Variants in ZNF568 observed in about 807,000 individuals in gnomAD.
ZNF568 encodes p53 inhibitor of SCO2 activation.
A neutral mutation model predicts 18.1 loss-of-function variants in ZNF568; 11 were observed. That is an observed-to-expected ratio of 0.61 (90% confidence interval 0.38 to 1.00). The LOEUF (loss-of-function observed/expected upper bound fraction) is 1.00, where lower values mean the gene tolerates loss of function less well. Ranked by LOEUF, ZNF568 falls within the 50% of genes least tolerant of loss-of-function variation. The pLI, the probability that ZNF568 is intolerant of heterozygous loss-of-function variation, is 0.01. For missense variants in ZNF568, 639 were observed against 768.2 expected, an observed-to-expected ratio of 0.83 and a Z score of 1.99; for synonymous variants, 213 against 246.6, an observed-to-expected ratio of 0.86 and a Z score of 1.28.
downstream of ZNF568, among the ~76,000 whole-genome samples, chr19:36,984,436 T>C (rs1391865621): frequency 6.6e-6 from 1 of 152,184 alleles, no homozygotes; most frequent in Non-Finnish European, 1.5e-5. Context: ...AAAAATATTA[T>C]TATATTCTTG....
intron 6 of ZNF568, among the ~76,000 whole-genome samples, chr19:36,941,257 GA>G (rs1364001674): frequency 6.6e-6 from 1 of 152,138 alleles, no homozygotes; most frequent in East Asian, 1.9e-4. Context: ...TAGAACTAAT[GA>G]TGTAGGAATG....
chr19:36,933,898 G>GTTTTTTT (rs200880642), intron 4 of ZNF568, among the ~76,000 whole-genome samples: 6 of 25,764 alleles, frequency 2.3e-4, no homozygotes, highest in African/African-American at 1.4e-3. Context: ...CTTTTGGGTA[G>GTTTTTTT]GTTTTTTTTT....
At chr19:36,965,722 TTA>T (rs369721991) in intron 6 of ZNF568, among the ~76,000 whole-genome samples, 27,270 of 127,568 alleles carry the variant, frequency 0.21, 2,864 homozygotes, top group African/African-American at 0.31. Flanking sequence ...TTTTTTTTTT[TTA>T]AGAGTCTTGC....
At chr19:36,936,986 TA>T in intron 5 of ZNF568, 114 bp downstream of exon 5, 3 of 1,402,270 alleles carry the variant, frequency 2.1e-6, no homozygotes, top group Non-Finnish European at 3.0e-6. Flanking sequence ...CATGTGACTA[TA>T]TGTGCTCCAC....
At position 36,958,623 on chromosome 19, in the gene ZNF568, T is replaced by C. The variant is rs922804740; in HGVS notation, c.359-15797T>C. On this transcript the variant is annotated intron_variant, in intron 6 of 7. Coordinates refer to the ZNF568 transcript ENST00000427117. ...TCTTTTTTCTTTTTCTTTCTTTTTT[T>C]TTTTTTTTTTTTTTTGAGACAGGGT... Among the ~76,000 whole-genome samples the C allele has an allele frequency of 5.8e-5, 8 of 139,114 alleles. No individual in the cohort carries two copies. In the South Asian group the frequency reaches 7.1e-4, roughly 12 times the overall value. The allele number at this position is 139,114 out of a possible 152,430, so 91.3% of individuals were successfully genotyped here.
chr19:36,935,660 G>C (rs1206237331), intron 4 of ZNF568, among the ~76,000 whole-genome samples: 1 of 151,418 alleles, frequency 6.6e-6, no homozygotes, highest in East Asian at 1.9e-4. Context: ...GGTATTTTAA[G>C]ACTGTTAGAT....
At chr19:36,942,244 A>C (rs2073891901) in intron 6 of ZNF568, among the ~76,000 whole-genome samples, 1 of 151,790 alleles carries the variant, frequency 6.6e-6, no homozygotes, top group Non-Finnish European at 1.5e-5. Flanking sequence ...CTGGGATTAC[A>C]GGCGTGCACC....
Position 36,951,182 on chromosome 19 carries a change from T to A in ZNF568, c.*94T>A. On this transcript the variant is annotated 3_prime_UTR_variant, in exon 7 of 7. Transcript: ENST00000333987. The stretch of plus-strand genomic sequence containing the variant: ...CAGGATCTTTATGGAAAAATTTTAA[T>A]ACTTTGTTAAAAGGTGTAAGACTGG... 1 of 1,256,488 alleles carries A rather than the reference T, an allele frequency of 8.0e-7. No individual in the cohort carries two copies. Among genetic ancestry groups the A allele is most frequent in the Non-Finnish European group, 1.1e-6 (1 of 938,274 alleles). 77.8% of individuals were successfully genotyped at this position (1,256,488 alleles called of 1,614,324 possible).
chr19:36,941,558 C>T lies in ZNF568; in HGVS notation c.358+4316C>T, dbSNP rs115756864. 3.9e-3 allele frequency among the ~76,000 whole-genome samples: 600 copies of T among 152,136 alleles called. 5 individuals are homozygous for T. Among genetic ancestry groups the T allele is most frequent in the African/African-American group, 0.014 (570 of 41,516 alleles). On this transcript the variant is annotated intron_variant, in intron 6 of 6. Coordinates refer to ENST00000333987, the MANE Select transcript of ZNF568 (RefSeq NM_198539.4). ...TCCATATTTATTACCAATTTTGGAT[C>T]GTATTTAGTTTGGACAGACTAATCT... is the stretch of plus-strand genomic sequence containing the variant.
intron 7 of ZNF568, among the ~76,000 whole-genome samples, chr19:36,977,079 T>TA (rs1315521618): frequency 6.6e-6 from 1 of 152,264 alleles, no homozygotes; most frequent in Non-Finnish European, 1.5e-5. Flanking sequence ...TTTTCACAGT[T>TA]AATCTATTTT....
At chr19:36,939,865 C>T (rs1402757001) in intron 6 of ZNF568, among the ~76,000 whole-genome samples, 1 of 152,110 alleles carries the variant, frequency 6.6e-6, no homozygotes, top group Admixed American at 6.6e-5. Flanking sequence ...TTTTCTGTTT[C>T]TTCTTCATGT....
chr19:36,965,717 TTTTTTTA>T (rs2074189288), intron 6 of ZNF568, among the ~76,000 whole-genome samples: 1 of 100,424 alleles, frequency 1.0e-5, no homozygotes, highest in African/African-American at 4.8e-5. Flanking sequence ...TTTTTTTTTT[TTTTTTTA>T]AGAGTCTTGC....
intron 6 of ZNF568, among the ~76,000 whole-genome samples, chr19:36,966,882 A>T (rs2074199020): frequency 1.3e-5 from 2 of 152,202 alleles, no homozygotes; most frequent in South Asian, 4.1e-4. Flanking sequence ...GGCCCTTCTC[A>T]TGAGAGACCG....
At chr19:36,947,783 G>T (rs1047567644) in intron 6 of ZNF568, among the ~76,000 whole-genome samples, 1 of 152,120 alleles carries the variant, frequency 6.6e-6, no homozygotes, top group African/African-American at 2.4e-5. Context: ...ACTGCATCTG[G>T]TTTTTTAAAT....
rs182125756 is a variant in ZNF568 at position 36,971,324 on chromosome 19, G to A, written c.359-3096G>A. Among the ~76,000 whole-genome samples, 59 of 150,150 alleles carry A rather than the reference G, an allele frequency of 3.9e-4. No homozygotes were observed. The East Asian group carries it at 0.011, about 27-fold the overall frequency. On this transcript the variant is annotated intron_variant, in intron 6 of 7. Coordinates refer to the ZNF568 transcript ENST00000427117. ...TTTTGCTCTTGTATATCAGTCTTGT[G>A]TTTCATTTATCTTTTAGTACTAAAC...
Position 36,950,828 on chromosome 19 carries a change from A to C in ZNF568, c.1675A>C (p.Lys559Gln), listed in dbSNP as rs770839817. The C allele has an allele frequency of 6.2e-7, 1 of 1,613,692 alleles. No individual in the cohort carries two copies. Among genetic ancestry groups the C allele is most frequent in the Non-Finnish European group, 8.5e-7 (1 of 1,179,914 alleles). ...AATTCATACTGGAGAGAAACCATTC[A>C]AATGTAATGAATGTGGTAAAGCCTT... ...EKIHTGEKPF[K>Q]CNECGKAFSR... Residue 559 changes from lysine (K) to glutamine (Q), a missense_variant, in exon 7 of 7, where the codon AAA (lysine) becomes CAA (glutamine). Physicochemically the swap from Lys to Gln is moderately conservative, Grantham distance 53. Transcript: ENST00000333987.
At chr19:36,985,765 C>T (rs1393227688) in intron 2 of ZNF568, among the ~76,000 whole-genome samples, 5 of 152,168 alleles carry the variant, frequency 3.3e-5, no homozygotes, top group Admixed American at 6.6e-5. Context: ...TCAAGTGATC[C>T]GCCCACTTTG....
chr19:36,959,871 G>C (rs2074134893), intron 6 of ZNF568, among the ~76,000 whole-genome samples: 1 of 151,810 alleles, frequency 6.6e-6, no homozygotes, highest in Admixed American at 6.6e-5. Context: ...TTCCAATTTT[G>C]CTTATTTGGG....
downstream of ZNF568, among the ~76,000 whole-genome samples, chr19:36,955,005 G>C (rs1401382015): frequency 4.6e-5 from 7 of 151,764 alleles, no homozygotes; most frequent in Non-Finnish European, 1.0e-4. Flanking sequence ...TCAGCCTCCT[G>C]AGTAGCTGGG....
Sources: gnomAD v4.1 joint callset for allele counts (sites outside exome capture counted in the v4.1 genomes callset) on GRCh38, gnomAD v4.1.1 for gene constraint, MANE v1.5 for transcripts, NCBI Gene and HGNC (gene_info 2026-07-23, HGNC 2026-07-21) for gene names.